Variants in SKAP1 observed in about 807,000 individuals in gnomAD.
SKAP1 encodes the protein src kinase associated phosphoprotein 1, also known as src kinase-associated phosphoprotein 1.
A neutral mutation model predicts 58.5 loss-of-function variants in SKAP1; 44 were observed. That is an observed-to-expected ratio of 0.75 (90% CI 0.59 to 0.97). The LOEUF is 0.97. SKAP1 is among the 50% of genes least tolerant of loss of function. The pLI, the probability that SKAP1 is intolerant of heterozygous loss-of-function variation, is 0.00. For missense variants in SKAP1, 390 were observed against 435.2 expected, an observed-to-expected ratio of 0.90 and a Z score of 0.92; for synonymous variants, 127 against 149.7, an observed-to-expected ratio of 0.85 and a Z score of 1.11.
At chr17:48,414,224 G>C (rs943331279) in intron 1 of SKAP1, among the ~76,000 whole-genome samples, 2 of 152,132 alleles carry the variant, frequency 1.3e-5, no homozygotes, top group African/African-American at 2.4e-5. Flanking sequence ...ACCTAGTCTC[G>C]AGGGGAAGGT....
At position 48,160,017 on chromosome 17, in the gene SKAP1, A is replaced by G. The variant is rs112145986; in HGVS notation, c.978+2452T>C. Among the ~76,000 whole-genome samples, 5 of 152,372 alleles carry G rather than the reference A, an allele frequency of 3.3e-5. 2 individuals carry two copies. Among genetic ancestry groups the G allele is most frequent in the African/African-American group, 1.2e-4 (5 of 41,592 alleles). On this transcript the variant is annotated intron_variant, in intron 11 of 12. Coordinates refer to ENST00000336915, the MANE Select transcript of SKAP1 (RefSeq NM_003726.4). ...TATGCTACTATTAATACAATGGTAC[A>G]GGATGAAAATGGACTCAGAACCTTC...
chr17:48,187,142 C>T (rs1292164916), intron 6 of SKAP1, among the ~76,000 whole-genome samples: 1 of 152,194 alleles, frequency 6.6e-6, no homozygotes, highest in Non-Finnish European at 1.5e-5. Context: ...GTAATTGCCT[C>T]CAATTGTGCT....
At chr17:48,332,655 A>T (rs542494282) in intron 4 of SKAP1, among the ~76,000 whole-genome samples, 1 of 152,300 alleles carries the variant, frequency 6.6e-6, no homozygotes, top group Admixed American at 6.5e-5. Context: ...TGATCAGGTA[A>T]ATATTATAGA....
intron 11 of SKAP1, among the ~76,000 whole-genome samples, chr17:48,149,734 C>T (rs1364297416): frequency 6.6e-6 from 1 of 152,144 alleles, no homozygotes; most frequent in Non-Finnish European, 1.5e-5. Flanking sequence ...CAGGGGCACG[C>T]ACATTTAGAG....
chr17:48,209,206 C>A (rs1233174836), intron 4 of SKAP1, among the ~76,000 whole-genome samples: 1 of 152,118 alleles, frequency 6.6e-6, no homozygotes, highest in Non-Finnish European at 1.5e-5. Flanking sequence ...CTCTTTCCAT[C>A]AAAAACTTAA....
At chr17:48,401,683 G>A (rs2067500497) in intron 1 of SKAP1, among the ~76,000 whole-genome samples, 1 of 151,812 alleles carries the variant, frequency 6.6e-6, no homozygotes, top group African/African-American at 2.4e-5. Flanking sequence ...AAAAAGACAG[G>A]TGTAAATCTT....
At chr17:48,292,516 G>GA (rs2065911139) in intron 4 of SKAP1, among the ~76,000 whole-genome samples, 1 of 151,968 alleles carries the variant, frequency 6.6e-6, no homozygotes. Context: ...AAGATACCAA[G>GA]AAAAAATACT....
At position 48,162,547 on chromosome 17, in the gene SKAP1, C is replaced by T; in HGVS notation, c.900G>A (p.Gln300=). Residue 300 remains glutamine (Q), a synonymous_variant, in exon 11 of 13, where the codon CAG becomes CAA. Transcript: ENST00000336915. ...RKGVDYASYY[Q]GLWDCHGDQP... ...GGTCACCATGGCAATCCCATAGGCC[C>T]TGGTAGTAACTGGCATAGTCTACTG... The T allele has an allele frequency of 1.2e-6, 2 of 1,613,120 alleles. No individual in the cohort carries two copies. The highest frequency in any genetic ancestry group is 1.1e-5 in the South Asian group (1 of 90,952).
chr17:48,284,216 T>A lies in SKAP1; in HGVS notation c.280+61689A>T, dbSNP rs139167281. ...GTTCTGATTTTAATGGGGCTACCCTTTATAATAATGTTTTTAAAAAGTAGG... is the reference window on the plus strand; with the variant it reads ...GTTCTGATTTTAATGGGGCTACCCTATATAATAATGTTTTTAAAAAGTAGG... On this transcript the variant is annotated intron_variant, in intron 4 of 12. Coordinates refer to ENST00000336915, the MANE Select transcript of SKAP1 (RefSeq NM_003726.4). Among the ~76,000 whole-genome samples, 88 of 152,326 alleles carry A rather than the reference T, an allele frequency of 5.8e-4. 2 individuals are homozygous for A. In the East Asian group the frequency reaches 0.013, roughly 23 times the overall value.
intron 2 of SKAP1, among the ~76,000 whole-genome samples, chr17:48,393,975 C>G (rs1191490679): frequency 6.6e-6 from 1 of 152,130 alleles, no homozygotes; most frequent in African/African-American, 2.4e-5. Context: ...GAGACTCAGG[C>G]CTGTAATCTC....
chr17:48,189,545 T>G, intron 4 of SKAP1, 45 bp from the exon 5 acceptor site: 1 of 1,447,176 alleles, frequency 6.9e-7, no homozygotes, highest in Middle Eastern at 1.8e-4. Context: ...CCTGGCAAAA[T>G]TTTCATTTAT....
chr17:48,278,346 G>A (rs892462813), intron 4 of SKAP1, among the ~76,000 whole-genome samples: 31 of 151,870 alleles, frequency 2.0e-4, no homozygotes, highest in Non-Finnish European at 3.5e-4. Context: ...GTAGATGTCC[G>A]GTGTGTGTTA....
rs2065708315 is a variant in SKAP1, at chr17:48,276,930, A to G, written c.280+68975T>C. On this transcript the variant is annotated intron_variant, in intron 4 of 12. Coordinates refer to ENST00000336915, the MANE Select transcript of SKAP1 (RefSeq NM_003726.4). Reference sequence around the variant, plus strand: ...TACTTTATGTAACAAGTGCATTGAGATCTTTATGTGACAGACTTTAGACAC... The same window carrying G: ...TACTTTATGTAACAAGTGCATTGAGGTCTTTATGTGACAGACTTTAGACAC... Among the ~76,000 whole-genome samples the G allele has an allele frequency of 2.0e-5, 3 of 152,228 alleles. 1 individual carries two copies. The South Asian group carries it at 6.2e-4, about 32-fold the overall frequency.
intron 11 of SKAP1, among the ~76,000 whole-genome samples, chr17:48,144,361 C>G (rs944776052): frequency 2.0e-5 from 3 of 152,146 alleles, no homozygotes; most frequent in Non-Finnish European, 4.4e-5. Flanking sequence ...CTGAACACCA[C>G]GAGGTATTTT....
intron 11 of SKAP1, among the ~76,000 whole-genome samples, chr17:48,146,809 G>A (rs1374127252): frequency 2.6e-5 from 4 of 152,074 alleles, no homozygotes; most frequent in South Asian, 2.1e-4. Context: ...TTGTATTTTA[G>A]TAGAGACGGG....
intron 4 of SKAP1, among the ~76,000 whole-genome samples, chr17:48,214,978 A>G (rs1364578062): frequency 1.3e-5 from 2 of 151,510 alleles, no homozygotes; most frequent in East Asian, 3.9e-4. Context: ...AACAGATGGC[A>G]TTCCACTATG....
chr17:48,190,363 TG>T (rs1598410575), intron 4 of SKAP1, among the ~76,000 whole-genome samples: 1 of 151,570 alleles, frequency 6.6e-6, no homozygotes, highest in East Asian at 2.0e-4. Context: ...CCGTCCACGT[TG>T]GCCTCCCAAA....
rs2064053647 is a variant in SKAP1, at chr17:48,160,478, T to TC, written c.978+1990_978+1991insG. 2.0e-5 allele frequency among the ~76,000 whole-genome samples: 3 copies of TC among 151,070 alleles called. No individual in the cohort carries two copies. The South Asian group carries it at 6.3e-4, about 32-fold the overall frequency. On this transcript the variant is annotated intron_variant, in intron 11 of 12. Transcript: ENST00000336915. ...AACAGAGAAGGGGAAGAGGTTTTTTTTTTTTTCTTTTTAAAGATTGGATTG... is the reference window on the plus strand; with the variant it reads ...AACAGAGAAGGGGAAGAGGTTTTTTTCTTTTTTCTTTTTAAAGATTGGATTG...
At chr17:48,170,768 G>A in intron 9 of SKAP1, 109 bp from the exon 10 acceptor site, 2 of 956,104 alleles carry the variant, frequency 2.1e-6, no homozygotes. Context: ...GAAGTGCAGT[G>A]GAACGATTTT....
Sources: allele counts gnomAD v4.1 joint callset (sites outside exome capture counted in the v4.1 genomes callset), GRCh38; gene constraint gnomAD v4.1.1; transcripts MANE v1.5; gene names NCBI Gene and HGNC (gene_info 2026-07-23, HGNC 2026-07-21).